TMEM268: variants seen among roughly 807,000 people sequenced by gnomAD.
TMEM268 encodes the protein transmembrane protein C9orf91.
TMEM268 carries 24 observed loss-of-function variants against 39.1 expected under a neutral mutation model. The ratio of observed to expected loss-of-function variants is 0.61; its 90% CI spans 0.44 to 0.86. The LOEUF (loss-of-function observed/expected upper bound fraction) is 0.86. Ranked by LOEUF, TMEM268 falls within the 40% of genes least tolerant of loss-of-function variation. The probability of loss-of-function intolerance (pLI) is 0.00; values close to 1 mark genes in which losing one functional copy is unlikely to be tolerated. For synonymous variants in TMEM268, 176 were observed against 173.5 expected, an observed-to-expected ratio of 1.01 and a Z score of -0.12; for missense variants, 409 against 428.6, an observed-to-expected ratio of 0.95 and a Z score of 0.40.
At chr9:114,627,381 A>G (rs1439383189) in intron 4 of TMEM268, among the ~76,000 whole-genome samples, 2 of 152,172 alleles carry the variant, frequency 1.3e-5, no homozygotes, top group Non-Finnish European at 2.9e-5. Context: ...TCATATATAC[A>G]TGTACATATA....
intron 8 of TMEM268, among the ~76,000 whole-genome samples, chr9:114,642,774 C>G (rs1827411515): frequency 2.0e-5 from 3 of 152,258 alleles, no homozygotes; most frequent in African/African-American, 7.2e-5. Flanking sequence ...AACAACCATG[C>G]CTGGCCAGCT....
intron 2 of TMEM268, among the ~76,000 whole-genome samples, chr9:114,621,796 G>A (rs983382198): frequency 2.0e-5 from 3 of 152,278 alleles, no homozygotes; most frequent in Admixed American, 6.5e-5. Flanking sequence ...TGAAGGAGGC[G>A]GGTGTGGTGA....
intron 3 of TMEM268, 68 bp from the exon 4 acceptor site, chr9:114,626,831 G>A (rs1846181262): frequency 8.4e-7 from 1 of 1,187,672 alleles, no homozygotes; most frequent in African/African-American, 1.5e-5. Flanking sequence ...CCTTCCACAT[G>A]ATAGTCACAT....
intron 5 of TMEM268, among the ~76,000 whole-genome samples, chr9:114,633,339 A>G (rs1564296740): frequency 6.6e-6 from 1 of 151,674 alleles, no homozygotes; most frequent in Non-Finnish European, 1.5e-5. Context: ...TTTTTGTATT[A>G]TTAGTAGAGA....
intron 2 of TMEM268, among the ~76,000 whole-genome samples, chr9:114,618,603 C>T (rs1294082606): frequency 1.3e-5 from 2 of 151,326 alleles, no homozygotes; most frequent in Admixed American, 6.6e-5. Flanking sequence ...GCAGAGGTTG[C>T]GGTGAGCCGA....
intron 8 of TMEM268, among the ~76,000 whole-genome samples, chr9:114,642,328 A>C (rs1426221634): frequency 6.6e-6 from 1 of 151,766 alleles, no homozygotes; most frequent in Non-Finnish European, 1.5e-5. Context: ...TTTTATAAGC[A>C]ATCTCTTTTT....
intron 2 of TMEM268, chr9:114,622,487 G>A: frequency 1.0e-6 from 1 of 985,196 alleles, no homozygotes; most frequent in Non-Finnish European, 1.2e-6. Flanking sequence ...TTCTCTACTT[G>A]GAACTGCAGG....
chr9:114,610,042 A>ATTT (rs112492997), upstream of TMEM268, among the ~76,000 whole-genome samples: 20 of 145,868 alleles, frequency 1.4e-4, no homozygotes, highest in Admixed American at 2.1e-4. Flanking sequence ...GGTTTTTGCA[A>ATTT]TTTTTTTTTT....
intron 7 of TMEM268, among the ~76,000 whole-genome samples, chr9:114,638,152 A>C: frequency 6.6e-6 from 1 of 151,862 alleles, no homozygotes; most frequent in Non-Finnish European, 1.5e-5. Context: ...AGCGATTCTC[A>C]TGCCTCAGCC....
At position 114,644,490 on chromosome 9, in the gene TMEM268, T is replaced by G. The variant is rs1217822007; in HGVS notation, c.*1177T>G. 2 of 152,230 alleles carry G rather than the reference T, an allele frequency of 1.3e-5. No individual in the cohort carries two copies. Among genetic ancestry groups the G allele is most frequent in the Non-Finnish European group, 2.9e-5 (2 of 68,060 alleles). The allele number at this position is 152,230 out of a possible 1,614,324, so 9.4% of individuals were successfully genotyped here. The stretch of plus-strand genomic sequence containing the variant: ...TTGTTCTGATGTTTTATGGTATTGA[T>G]TCTGTTTTCCTGTGTATATGCCAGT... On this transcript the variant is annotated 3_prime_UTR_variant, in exon 9 of 9. Coordinates refer to ENST00000288502, the MANE Select transcript of TMEM268 (RefSeq NM_153045.4).
At chr9:114,636,564 G>C (rs770357202) in intron 6 of TMEM268, among the ~76,000 whole-genome samples, 63 of 151,880 alleles carry the variant, frequency 4.1e-4, no homozygotes, top group Admixed American at 6.6e-4. Context: ...GCAGTGGTGT[G>C]ATCTTGGCTT....
At position 114,627,020 on chromosome 9, in the gene TMEM268, G is replaced by A. The variant is rs1303915632; in HGVS notation, c.324+14G>A. On this transcript the variant is annotated intron_variant, in intron 4 of 8. Transcript: ENST00000288502. Reference sequence around the variant, plus strand: ...GCCTTTGCTGTGGTAAGGGGGAGGTGGCCCGCACACTGACCCTGCCCTGAC... The same window carrying A: ...GCCTTTGCTGTGGTAAGGGGGAGGTAGCCCGCACACTGACCCTGCCCTGAC... 38 of 1,567,424 alleles carry A rather than the reference G, an allele frequency of 2.4e-5. No individual in the cohort carries two copies. The highest frequency in any genetic ancestry group is 3.1e-5 in the Non-Finnish European group (35 of 1,138,510).
intron 5 of TMEM268, among the ~76,000 whole-genome samples, chr9:114,631,282 C>CAAAAAA (rs3035421): frequency 3.1e-5 from 4 of 130,178 alleles, no homozygotes; most frequent in South Asian, 2.7e-4. Context: ...CAGCCTGCCT[C>CAAAAAA]AAAAAAAAAA....
At chr9:114,604,003 CTAATT>C in the TMEM268 span, among the ~76,000 whole-genome samples, 2 of 150,880 alleles carry the variant, frequency 1.3e-5, no homozygotes, top group Admixed American at 6.7e-5. Context: ...TTTATATTGA[CTAATT>C]TAATTCTTTT....
intron 8 of TMEM268, among the ~76,000 whole-genome samples, chr9:114,639,001 C>T (rs1457892273): frequency 6.6e-6 from 1 of 152,166 alleles, no homozygotes; most frequent in African/African-American, 2.4e-5. Context: ...TGGGTAGTTG[C>T]ATGTTGATAG....
chr9:114,624,417 C>T lies in TMEM268; in HGVS notation c.174C>T (p.Asp58=). The change falls in exon 3 of 9, where the codon GAC becomes GAT. Residue 58 remains aspartate (D), a synonymous_variant. Transcript: ENST00000288502. ...IDNTCAPISF[D]LGAAEEQLQT... ...ATACCTGTGCACCCATCTCCTTCGA[C>T]CTGGGAGCCGCAGAAGAGCAACTGC... The T allele has an allele frequency of 6.3e-7, 1 of 1,596,218 alleles. No individual in the cohort carries two copies. Among genetic ancestry groups the T allele is most frequent in the Non-Finnish European group, 8.5e-7 (1 of 1,170,142 alleles).
chr9:114,629,709 T>C (rs757998166), intron 5 of TMEM268, among the ~76,000 whole-genome samples: 20 of 152,224 alleles, frequency 1.3e-4, no homozygotes, highest in Non-Finnish European at 2.2e-4. Flanking sequence ...CCCCGATCCC[T>C]GGCACAGTGC....
chr9:114,626,946 G>C lies in TMEM268; in HGVS notation c.264G>C (p.Glu88Asp). Residue 88 changes from glutamate to aspartate, a missense_variant, in exon 4 of 9, where the codon GAG becomes GAC. Coordinates refer to ENST00000288502, the MANE Select transcript of TMEM268 (RefSeq NM_153045.4). Reference sequence around the variant, plus strand: ...GCTTGGCTGAGAGTGCCCTCTTGGAGCCCCAAGTGAGAAGATATATCATCT... The same window carrying C: ...GCTTGGCTGAGAGTGCCCTCTTGGACCCCCAAGTGAGAAGATATATCATCT... ...YRSLAESALL[E>D]PQVRRYIIYN... 1 of 1,613,770 alleles carries C rather than the reference G, an allele frequency of 6.2e-7. No individual in the cohort carries two copies. Among genetic ancestry groups the C allele is most frequent in the Non-Finnish European group, 8.5e-7 (1 of 1,179,702 alleles).
At chr9:114,631,932 C>T (rs2133676932) in intron 5 of TMEM268, among the ~76,000 whole-genome samples, 1 of 151,954 alleles carries the variant, frequency 6.6e-6, no homozygotes, top group East Asian at 1.9e-4. Context: ...GAGACTCGAT[C>T]TCTACAAAAA....
Sources: allele counts gnomAD v4.1 joint callset (sites outside exome capture counted in the v4.1 genomes callset), GRCh38; gene constraint gnomAD v4.1.1; transcripts MANE v1.5; gene names NCBI Gene and HGNC (gene_info 2026-07-23, HGNC 2026-07-21).